MDFIC2: variants seen among roughly 807,000 people sequenced by gnomAD.
MDFIC2 encodes MyoD family inhibitor domain containing 2, also known as myoD family inhibitor domain-containing protein 2.
chr3:70,266,201 A>C (rs1022711112), intron 2 of MDFIC2, among the ~76,000 whole-genome samples: 6 of 152,078 alleles, frequency 3.9e-5, no homozygotes, highest in Non-Finnish European at 8.8e-5. Context: ...ATGTTTTTTT[A>C]TTGAAGGAGG....
intron 3 of MDFIC2, among the ~76,000 whole-genome samples, chr3:70,202,833 G>A (rs1467002044): frequency 6.6e-6 from 1 of 152,086 alleles, no homozygotes; most frequent in Non-Finnish European, 1.5e-5. Context: ...CTGGGGACTG[G>A]CTAATTAGGA....
At chr3:70,258,835 G>A (rs1405542640) in intron 2 of MDFIC2, among the ~76,000 whole-genome samples, 1 of 152,088 alleles carries the variant, frequency 6.6e-6, no homozygotes, top group Admixed American at 6.6e-5. Flanking sequence ...CAAAAACGCT[G>A]AGAGCAGGTG....
In MDFIC2 at chr3:70,195,649, C is replaced by T. The variant is rs991536826; in HGVS notation, c.*1277G>A. Among the ~76,000 whole-genome samples, 7 of 152,164 alleles carry T rather than the reference C, an allele frequency of 4.6e-5. No homozygotes were observed. Among genetic ancestry groups the T allele is most frequent in the Non-Finnish European group, 7.4e-5 (5 of 68,022 alleles). On this transcript the variant is annotated 3_prime_UTR_variant, in exon 4 of 4. Transcript: ENST00000567252. ...ACACAAAAAAATTCCCTCAATTCTC[C>T]ATTTCACTTTTGTGTTCTTTGTTTG... is the stretch of plus-strand genomic sequence containing the variant.
chr3:70,270,002 A>T (rs1430188920), intron 2 of MDFIC2, among the ~76,000 whole-genome samples: 1 of 152,230 alleles, frequency 6.6e-6, no homozygotes, highest in Non-Finnish European at 1.5e-5. Context: ...ATCGAAACAA[A>T]CAACTGGACA....
At chr3:70,300,856 C>T (rs1702341715) in intron 2 of MDFIC2, among the ~76,000 whole-genome samples, 1 of 152,052 alleles carries the variant, frequency 6.6e-6, no homozygotes, top group African/African-American at 2.4e-5. Flanking sequence ...TTTGGACACT[C>T]CAAGGTATTC....
chr3:70,277,534 A>G (rs1352200722), intron 2 of MDFIC2, among the ~76,000 whole-genome samples: 1 of 152,160 alleles, frequency 6.6e-6, no homozygotes, highest in Non-Finnish European at 1.5e-5. Context: ...GACCGCTTTT[A>G]TTGGCTTTTA....
At chr3:70,292,385 C>T (rs1053790515) in intron 2 of MDFIC2, among the ~76,000 whole-genome samples, 1 of 152,138 alleles carries the variant, frequency 6.6e-6, no homozygotes, top group African/African-American at 2.4e-5. Flanking sequence ...GCTAAATCCA[C>T]TATGCCTGAC....
chr3:70,290,905 G>A (rs967960649), intron 2 of MDFIC2, among the ~76,000 whole-genome samples: 3 of 152,160 alleles, frequency 2.0e-5, no homozygotes, highest in Admixed American at 6.5e-5. Flanking sequence ...GCAATGCCTC[G>A]CCCTGCTTCG....
chr3:70,232,346 G>A (rs552235918), intron 2 of MDFIC2, among the ~76,000 whole-genome samples: 2 of 151,574 alleles, frequency 1.3e-5, no homozygotes, highest in South Asian at 2.1e-4. Flanking sequence ...CACATGTGTC[G>A]AATGCCCACA....
chr3:70,208,089 C>G (rs2106725819), intron 2 of MDFIC2, among the ~76,000 whole-genome samples: 1 of 152,068 alleles, frequency 6.6e-6, no homozygotes, highest in Admixed American at 6.5e-5. Context: ...GAGAGAGGAC[C>G]AGACTGGGTC....
chr3:70,290,521 G>A (rs1009551233), intron 2 of MDFIC2, among the ~76,000 whole-genome samples: 1 of 152,220 alleles, frequency 6.6e-6, no homozygotes, highest in Non-Finnish European at 1.5e-5. Context: ...TTGTTTGTCT[G>A]TGCCCTGCCC....
At chr3:70,293,135 G>C (rs1302579983) in intron 2 of MDFIC2, among the ~76,000 whole-genome samples, 1 of 149,526 alleles carries the variant, frequency 6.7e-6, no homozygotes, top group Non-Finnish European at 1.5e-5. Context: ...TCTCCCTCCA[G>C]CTTTTTACAT....
At chr3:70,221,317 T>G (rs988373677) in intron 2 of MDFIC2, among the ~76,000 whole-genome samples, 1 of 152,174 alleles carries the variant, frequency 6.6e-6, no homozygotes, top group African/African-American at 2.4e-5. Context: ...TCATTTAATC[T>G]TCACAAAAAC....
At chr3:70,232,938 C>T (rs1445394199) in intron 2 of MDFIC2, among the ~76,000 whole-genome samples, 1 of 152,066 alleles carries the variant, frequency 6.6e-6, no homozygotes, top group Admixed American at 6.5e-5. Context: ...CCGGTAATCC[C>T]AGCACTTTGG....
At chr3:70,303,372 T>C (rs542086362) in intron 2 of MDFIC2, among the ~76,000 whole-genome samples, 16 of 152,226 alleles carry the variant, frequency 1.1e-4, no homozygotes, top group African/African-American at 3.6e-4. Context: ...GCTTTCTTCC[T>C]TGGGACTTGG....
chr3:70,247,755 A>G (rs1041606249), intron 2 of MDFIC2, among the ~76,000 whole-genome samples: 1 of 151,970 alleles, frequency 6.6e-6, no homozygotes, highest in Non-Finnish European at 1.5e-5. Flanking sequence ...GGACCAAGGT[A>G]AAAAAAGAGA....
At chr3:70,252,787 A>G (rs1701781523) in intron 2 of MDFIC2, among the ~76,000 whole-genome samples, 1 of 152,146 alleles carries the variant, frequency 6.6e-6, no homozygotes, top group Non-Finnish European at 1.5e-5. Context: ...TAAAAAGAAA[A>G]TCAAAAAGAA....
intron 2 of MDFIC2, among the ~76,000 whole-genome samples, chr3:70,267,882 T>A (rs1343717534): frequency 6.6e-6 from 1 of 152,146 alleles, no homozygotes; most frequent in Non-Finnish European, 1.5e-5. Flanking sequence ...TTTTGAAAAG[T>A]AGACTTGAAA....
At chr3:70,311,743 GA>G (rs200014435) in intron 2 of MDFIC2, 142 bp downstream of exon 2, 12,802 of 369,126 alleles carry the variant, frequency 0.035, 341 homozygotes, top group South Asian at 0.082. Flanking sequence ...ATAAGAATTT[GA>G]AAAAAAAAGA....
Sources: allele counts gnomAD v4.1 joint callset (sites outside exome capture counted in the v4.1 genomes callset), GRCh38; gene constraint gnomAD v4.1.1; transcripts MANE v1.5; gene names NCBI Gene and HGNC (gene_info 2026-07-23, HGNC 2026-07-21).